PTPRD: variants seen among roughly 807,000 people sequenced by gnomAD.
PTPRD encodes the protein receptor-type tyrosine-protein phosphatase delta.
Under a neutral mutation model 214.5 loss-of-function variants are expected in PTPRD, and 34 were observed. The ratio of observed to expected loss-of-function variants is 0.16; its 90% CI spans 0.12 to 0.21. The LOEUF (loss-of-function observed/expected upper bound fraction) is 0.21, where lower values mean the gene tolerates loss of function less well. Ranked by LOEUF, PTPRD falls within the 10% of genes least tolerant of loss-of-function variation. The pLI is 1.00. For missense variants in PTPRD, 2,545 were observed against 2,398.7 expected, an observed-to-expected ratio of 1.06 and a Z score of -1.27; for synonymous variants, 1,128 against 845.7, an observed-to-expected ratio of 1.33 and a Z score of -5.79.
chr9:8,662,635 A>G (rs535972622), intron 12 of PTPRD, among the ~76,000 whole-genome samples: 30 of 152,270 alleles, frequency 2.0e-4, no homozygotes, highest in African/African-American at 7.2e-4. Flanking sequence ...TCATCCCAGT[A>G]GCATAGACTC....
At position 9,266,967 on chromosome 9, in the gene PTPRD, T is replaced by C. The variant is rs151205097; in HGVS notation, c.-202-83604A>G. Among the ~76,000 whole-genome samples the C allele has an allele frequency of 4.3e-3, 646 of 151,144 alleles. 2 individuals are homozygous for C. The highest frequency in any genetic ancestry group is 0.015 in the African/African-American group (619 of 41,416). ...AATTTCAGAGCATAAATAAATGAAA[T>C]AGAGACTACAAAAAATTAGAAAAAT... is the stretch of plus-strand genomic sequence containing the variant. On this transcript the variant is annotated intron_variant, in intron 9 of 45. Transcript: ENST00000381196.
At chr9:9,646,309 G>C (rs937205787) in intron 7 of PTPRD, among the ~76,000 whole-genome samples, 14 of 144,002 alleles carry the variant, frequency 9.7e-5, no homozygotes, top group African/African-American at 3.6e-4. Flanking sequence ...AGGGGTGTGT[G>C]TGTGTGTGGG....
chr9:9,952,970 TG>T (rs532425431), intron 4 of PTPRD, among the ~76,000 whole-genome samples: 138 of 152,200 alleles, frequency 9.1e-4, no homozygotes, highest in African/African-American at 3.2e-3. Context: ...CTCAAACCTG[TG>T]GGGTAAGGAA....
chr9:8,427,104 A>G (rs2094729174), intron 35 of PTPRD, among the ~76,000 whole-genome samples: 1 of 152,170 alleles, frequency 6.6e-6, no homozygotes, highest in Non-Finnish European at 1.5e-5. Flanking sequence ...TGCAGAACAA[A>G]GACAGCATGT....
chr9:9,645,679 T>C (rs143675353), intron 7 of PTPRD, among the ~76,000 whole-genome samples: 1 of 151,892 alleles, frequency 6.6e-6, no homozygotes, highest in African/African-American at 2.4e-5. Flanking sequence ...CTGATTGATA[T>C]TTTCTTTCAT....
intron 10 of PTPRD, among the ~76,000 whole-genome samples, chr9:9,111,721 T>C (rs2099806319): frequency 6.6e-6 from 1 of 152,182 alleles, no homozygotes; most frequent in Non-Finnish European, 1.5e-5. Flanking sequence ...TTTGGCCACA[T>C]ATTTATTTTT....
chr9:9,463,539 G>C (rs148462825), intron 8 of PTPRD, among the ~76,000 whole-genome samples: 91 of 152,206 alleles, frequency 6.0e-4, no homozygotes, highest in African/African-American at 2.1e-3. Context: ...TAGAAGTTTA[G>C]AGTCACTTTC....
chr9:9,661,199 G>C (rs1461588446), intron 7 of PTPRD, among the ~76,000 whole-genome samples: 1 of 151,766 alleles, frequency 6.6e-6, no homozygotes, highest in Non-Finnish European at 1.5e-5. Context: ...AGGTGGACCT[G>C]TCCCTTCCTC....
intron 2 of PTPRD, among the ~76,000 whole-genome samples, chr9:10,480,989 G>A (rs1301242089): frequency 2.0e-5 from 3 of 151,502 alleles, no homozygotes; most frequent in Non-Finnish European, 2.9e-5. Flanking sequence ...CTCAAGTCGA[G>A]TCAATAATAA....
rs531816449 is a variant in PTPRD, at chr9:10,245,239, C to G, written c.-545+95724G>C. 6.6e-5 allele frequency among the ~76,000 whole-genome samples: 10 copies of G among 152,106 alleles called. No individual in the cohort carries two copies. In the South Asian group the frequency reaches 2.1e-3, roughly 32 times the overall value. Reference sequence around the variant, plus strand: ...TAGATTAGTCATATGTTATAGAAACCTGTGTAAAGCAGAGACAGCATTAAA... The same window carrying G: ...TAGATTAGTCATATGTTATAGAAACGTGTGTAAAGCAGAGACAGCATTAAA... On this transcript the variant is annotated intron_variant, in intron 3 of 45. Transcript: ENST00000381196.
chr9:9,587,297 T>C (rs2092148707), intron 7 of PTPRD, among the ~76,000 whole-genome samples: 1 of 151,996 alleles, frequency 6.6e-6, no homozygotes, highest in Admixed American at 6.6e-5. Context: ...ACATGTGTTT[T>C]AGGGTTTTTA....
At chr9:9,021,096 AT>A (rs1298720025) in intron 10 of PTPRD, among the ~76,000 whole-genome samples, 1 of 152,156 alleles carries the variant, frequency 6.6e-6, no homozygotes, top group African/African-American at 2.4e-5. Context: ...TAAATGTCTA[AT>A]TATTTAAGAG....
At chr9:9,396,745 A>G (rs373959746) in intron 9 of PTPRD, among the ~76,000 whole-genome samples, 16 of 152,140 alleles carry the variant, frequency 1.1e-4, no homozygotes, top group African/African-American at 3.6e-4. Flanking sequence ...CTTTCTCTCA[A>G]TCTGCTCTAA....
intron 35 of PTPRD, among the ~76,000 whole-genome samples, chr9:8,434,120 T>C (rs1019246915): frequency 2.0e-5 from 3 of 152,096 alleles, no homozygotes; most frequent in Admixed American, 2.0e-4. Context: ...GTGGCTGGGA[T>C]TACAGGCACA....
intron 5 of PTPRD, among the ~76,000 whole-genome samples, chr9:9,779,913 C>A (rs1339351023): frequency 1.3e-5 from 2 of 152,060 alleles, no homozygotes; most frequent in Non-Finnish European, 2.9e-5. Context: ...TGGGTATATA[C>A]CCCAAAGAAA....
chr9:8,954,697 G>A (rs1588798252), intron 11 of PTPRD, among the ~76,000 whole-genome samples: 1 of 151,754 alleles, frequency 6.6e-6, no homozygotes, highest in Non-Finnish European at 1.5e-5. Context: ...AGAAGTCCCT[G>A]GGTCCAGTTT....
At chr9:9,900,481 C>G (rs1368824368) in intron 5 of PTPRD, among the ~76,000 whole-genome samples, 1 of 152,108 alleles carries the variant, frequency 6.6e-6, no homozygotes, top group East Asian at 1.9e-4. Flanking sequence ...CTTCATCAGC[C>G]TTACCTTCAC....
chr9:10,107,475 T>G (rs968481384), intron 3 of PTPRD, among the ~76,000 whole-genome samples: 2 of 152,088 alleles, frequency 1.3e-5, no homozygotes, highest in Non-Finnish European at 2.9e-5. Context: ...CAGAGTTTAT[T>G]GATTAACTTT....
intron 9 of PTPRD, among the ~76,000 whole-genome samples, chr9:9,266,851 A>G (rs1009149310): frequency 3.5e-5 from 5 of 141,012 alleles, no homozygotes; most frequent in Non-Finnish European, 7.5e-5. Context: ...CTAAATGGAG[A>G]AAAAAAAAAT....
Sources: gnomAD v4.1 joint callset for allele counts (sites outside exome capture counted in the v4.1 genomes callset) on GRCh38, gnomAD v4.1.1 for gene constraint, MANE v1.5 for transcripts, NCBI Gene and HGNC (gene_info 2026-07-23, HGNC 2026-07-21) for gene names.